Variants in OCA2 observed in about 807,000 individuals in gnomAD.
The protein encoded by OCA2 is P protein.
A neutral mutation model predicts 100.2 loss-of-function variants in OCA2; 77 were observed. The observed-to-expected ratio is 0.77, with a 90% CI of 0.64 to 0.93. The LOEUF (loss-of-function observed/expected upper bound fraction) is 0.93, where lower values mean the gene tolerates loss of function less well. OCA2 is among the 40% of genes least tolerant of loss of function. The pLI, the probability that OCA2 is intolerant of heterozygous loss-of-function variation, is 0.00. For missense variants in OCA2, 1,062 were observed against 1,089.1 expected (o/e 0.98, Z 0.35); for synonymous variants, 432 against 439.2 (o/e 0.98, Z 0.21).
chr15:28,075,344 C>T (rs1415012815), intron 2 of OCA2, among the ~76,000 whole-genome samples: 1 of 152,164 alleles, frequency 6.6e-6, no homozygotes, highest in Non-Finnish European at 1.5e-5. Flanking sequence ...GCAGACCTCA[C>T]TCTCCAAATA....
intron 2 of OCA2, among the ~76,000 whole-genome samples, chr15:28,058,251 G>C (rs1325123652): frequency 6.6e-6 from 1 of 152,244 alleles, no homozygotes; most frequent in Non-Finnish European, 1.5e-5. Context: ...TCTGGGTGCT[G>C]GTCCACTGCC....
At position 27,966,648 on chromosome 15, in the gene OCA2, G is replaced by A; in HGVS notation, c.1636+42C>T. ...CTCCTGGTAAACAAACAATATTATG[G>A]TCATGAAATCTGAGCCTACATGAGG... On this transcript the variant is annotated intron_variant, in intron 15 of 23. Coordinates refer to ENST00000354638, the MANE Select transcript of OCA2 (RefSeq NM_000275.3). 4 of 1,608,268 alleles carry A rather than the reference G, an allele frequency of 2.5e-6. No homozygotes were observed. In the African/African-American group the frequency reaches 4.0e-5, roughly 16 times the overall value.
At chr15:27,817,521 C>A (rs1385644582) in intron 23 of OCA2, among the ~76,000 whole-genome samples, 1 of 152,206 alleles carries the variant, frequency 6.6e-6, no homozygotes, top group Admixed American at 6.5e-5. Flanking sequence ...TAGGAGCTCA[C>A]TCACCAGGAA....
At chr15:27,978,690 A>AT (rs914971006) in intron 14 of OCA2, among the ~76,000 whole-genome samples, 30 of 150,154 alleles carry the variant, frequency 2.0e-4, no homozygotes, top group South Asian at 4.2e-4. Flanking sequence ...AGAGAGAGAC[A>AT]TTTTTTTTTT....
chr15:27,872,456 A>C (rs1374741458), intron 19 of OCA2, among the ~76,000 whole-genome samples: 1 of 152,194 alleles, frequency 6.6e-6, no homozygotes, highest in African/African-American at 2.4e-5. Context: ...AAAGAGTAGA[A>C]GAGAGAAGAT....
intron 23 of OCA2, among the ~76,000 whole-genome samples, chr15:27,826,157 G>A (rs1332804654): frequency 1.3e-5 from 2 of 152,320 alleles, no homozygotes; most frequent in Middle Eastern, 3.4e-3. Context: ...CCCTTTGCCC[G>A]GCACAGTGTT....
intron 19 of OCA2, among the ~76,000 whole-genome samples, chr15:27,881,565 C>T (rs536035266): frequency 6.6e-6 from 1 of 152,230 alleles, no homozygotes; most frequent in South Asian, 2.1e-4. Context: ...TTGGTCTATT[C>T]AGGGATTCAA....
intron 23 of OCA2, among the ~76,000 whole-genome samples, chr15:27,758,767 A>G (rs890054596): frequency 2.0e-5 from 3 of 152,196 alleles, no homozygotes; most frequent in African/African-American, 7.2e-5. Flanking sequence ...AGATACAACA[A>G]CAGAAATTGT....
intron 2 of OCA2, among the ~76,000 whole-genome samples, chr15:28,079,038 A>G (rs1304535669): frequency 6.6e-6 from 1 of 152,196 alleles, no homozygotes; most frequent in Non-Finnish European, 1.5e-5. Flanking sequence ...ACAGAAAACG[A>G]GGCTACAAGG....
chr15:27,772,377 C>T (rs554860307), intron 23 of OCA2, among the ~76,000 whole-genome samples: 1 of 152,044 alleles, frequency 6.6e-6, no homozygotes, highest in Non-Finnish European at 1.5e-5. Context: ...CACTTTTTCC[C>T]TCTCATTTTT....
chr15:27,792,401 A>G (rs1291723280), intron 23 of OCA2, among the ~76,000 whole-genome samples: 1 of 151,910 alleles, frequency 6.6e-6, no homozygotes, highest in Non-Finnish European at 1.5e-5. Flanking sequence ...TCCTTTCCCT[A>G]CTTCATCCTT....
At chr15:28,057,026 C>T (rs1877701212) in intron 2 of OCA2, among the ~76,000 whole-genome samples, 1 of 152,192 alleles carries the variant, frequency 6.6e-6, no homozygotes, top group Non-Finnish European at 1.5e-5. Context: ...AAAGGGAGGG[C>T]CCATAGGAAA....
chr15:27,845,193 C>T (rs532041475), intron 22 of OCA2, 141 bp from the exon 23 acceptor site: 1 of 723,590 alleles, frequency 1.4e-6, no homozygotes, highest in African/African-American at 1.8e-5. Flanking sequence ...TTGTAAATAT[C>T]TGGAAACACA....
At position 27,985,194 on chromosome 15, in the gene OCA2, C is replaced by G. The variant is rs766585260; in HGVS notation, c.1240-6G>C. ...CCCCGGGAGAGCCGGTATGCCTGGCCACACACACACAGAGAGAGTACAAGC... is the reference window on the plus strand; with the variant it reads ...CCCCGGGAGAGCCGGTATGCCTGGCGACACACACACAGAGAGAGTACAAGC... On this transcript the variant is annotated splice_polypyrimidine_tract_variant and splice_region_variant and intron_variant, in intron 12 of 23. Coordinates refer to ENST00000354638, the MANE Select transcript of OCA2 (RefSeq NM_000275.3). 1 of 1,600,446 alleles carries G rather than the reference C, an allele frequency of 6.2e-7. No homozygotes were observed. Among genetic ancestry groups the G allele is most frequent in the African/African-American group, 1.3e-5 (1 of 74,730 alleles).
chr15:28,072,312 G>A (rs561046292), intron 2 of OCA2, among the ~76,000 whole-genome samples: 5 of 152,150 alleles, frequency 3.3e-5, no homozygotes, highest in African/African-American at 4.8e-5. Context: ...GGAGCAGGCC[G>A]GGTGCGGTGG....
chr15:27,784,885 G>A (rs1256626624), intron 23 of OCA2, among the ~76,000 whole-genome samples: 1 of 60,442 alleles, frequency 1.7e-5, no homozygotes. Flanking sequence ...GAAGCAGAAA[G>A]AGAGAGACAG....
rs533760111 is a variant in OCA2 at position 27,766,708 on chromosome 15, C to T, written c.2433-11236G>A. Among the ~76,000 whole-genome samples the T allele has an allele frequency of 2.8e-3, 423 of 152,300 alleles. 6 individuals are homozygous for T. Among genetic ancestry groups the T allele is most frequent in the African/African-American group, 9.7e-3 (403 of 41,556 alleles). Reference sequence around the variant, plus strand: ...CTCCTACCCAGTACCAAGGCAGCCTCGCCTTTTCCCTGAGGCACAGTCTCC... The same window carrying T: ...CTCCTACCCAGTACCAAGGCAGCCTTGCCTTTTCCCTGAGGCACAGTCTCC... On this transcript the variant is annotated intron_variant, in intron 23 of 23. Transcript: ENST00000354638.
intron 23 of OCA2, among the ~76,000 whole-genome samples, chr15:27,839,967 T>C (rs931509606): frequency 1.1e-4 from 17 of 152,082 alleles, no homozygotes; most frequent in African/African-American, 4.1e-4. Flanking sequence ...AGAACTGTTA[T>C]TAAACATCCA....
chr15:27,788,120 C>A (rs1293127567), intron 23 of OCA2, among the ~76,000 whole-genome samples: 2 of 151,694 alleles, frequency 1.3e-5, no homozygotes, highest in African/African-American at 4.8e-5. Context: ...GTAAATGTAT[C>A]AGCACTTGAT....
Sources: gnomAD v4.1 joint callset for allele counts (sites outside exome capture counted in the v4.1 genomes callset) on GRCh38, gnomAD v4.1.1 for gene constraint, MANE v1.5 for transcripts, NCBI Gene and HGNC (gene_info 2026-07-23, HGNC 2026-07-21) for gene names.